DOK6: variants seen among roughly 807,000 people sequenced by gnomAD.
DOK6 encodes the protein docking protein 6.
Under a neutral mutation model 44.0 loss-of-function variants are expected in DOK6, and 22 were observed. The observed-to-expected ratio is 0.50, with a 90% CI of 0.36 to 0.71. The LOEUF (loss-of-function observed/expected upper bound fraction) is 0.71. Ranked by LOEUF, DOK6 falls within the 30% of genes least tolerant of loss-of-function variation. DOK6 has a pLI of 0.00. For missense variants in DOK6, 340 were observed against 416.4 expected, an observed-to-expected ratio of 0.82 and a Z score of 1.60; for synonymous variants, 166 against 145.5, an observed-to-expected ratio of 1.14 and a Z score of -1.01.
At chr18:69,419,998 A>G (rs1328930446) in intron 1 of DOK6, among the ~76,000 whole-genome samples, 2 of 152,148 alleles carry the variant, frequency 1.3e-5, no homozygotes, top group African/African-American at 4.8e-5. Context: ...AATATATTTT[A>G]TATCTTACCT....
chr18:69,821,799 T>TA (rs1555673048), intron 7 of DOK6, among the ~76,000 whole-genome samples: 19 of 149,252 alleles, frequency 1.3e-4, no homozygotes, highest in African/African-American at 1.5e-4. Flanking sequence ...TTTTTTTTTT[T>TA]AAAAAAAATC....
chr18:69,747,523 A>G (rs1791014300), intron 6 of DOK6, among the ~76,000 whole-genome samples: 1 of 152,066 alleles, frequency 6.6e-6, no homozygotes, highest in Non-Finnish European at 1.5e-5. Flanking sequence ...CTAGTAACTT[A>G]GGTCTTCTCA....
At chr18:69,698,126 C>A (rs565359914) in intron 4 of DOK6, among the ~76,000 whole-genome samples, 1 of 152,272 alleles carries the variant, frequency 6.6e-6, no homozygotes, top group African/African-American at 2.4e-5. Flanking sequence ...CCTTATTTTT[C>A]CATTGTACAA....
intron 3 of DOK6, among the ~76,000 whole-genome samples, chr18:69,612,443 G>T (rs1984173839): frequency 6.6e-6 from 1 of 150,956 alleles, no homozygotes; most frequent in Non-Finnish European, 1.5e-5. Context: ...GTGTGCGAGG[G>T]CGCATGTGTG....
At chr18:69,715,775 GTCCCCCTTGACTTTCTA>G (rs1157101691) in intron 5 of DOK6, among the ~76,000 whole-genome samples, 1 of 152,204 alleles carries the variant, frequency 6.6e-6, no homozygotes, top group East Asian at 1.9e-4. Flanking sequence ...GGCGTTGAAA[GTCCCCCTTGACTTTCTA>G]TTTGCTTTCC....
intron 4 of DOK6, among the ~76,000 whole-genome samples, chr18:69,680,639 T>G (rs955456479): frequency 1.3e-5 from 2 of 152,210 alleles, no homozygotes; most frequent in Admixed American, 6.5e-5. Context: ...TGGCACAATT[T>G]CTTAGGTGTA....
intron 1 of DOK6, among the ~76,000 whole-genome samples, chr18:69,558,972 T>C (rs377653029): frequency 3.2e-4 from 48 of 152,162 alleles, no homozygotes; most frequent in Middle Eastern, 3.4e-3. Flanking sequence ...AAACCTAAAC[T>C]TATTCCAAGA....
intron 1 of DOK6, among the ~76,000 whole-genome samples, chr18:69,470,883 G>A (rs1980080539): frequency 6.6e-6 from 1 of 152,168 alleles, no homozygotes; most frequent in Admixed American, 6.5e-5. Context: ...TCATTTTAGA[G>A]GAGGGGGCTC....
At chr18:69,636,055 A>C (rs1984799666) in intron 3 of DOK6, among the ~76,000 whole-genome samples, 1 of 152,172 alleles carries the variant, frequency 6.6e-6, no homozygotes, top group African/African-American at 2.4e-5. Context: ...GGTCTCCAGC[A>C]AGCCCCAATA....
intron 2 of DOK6, among the ~76,000 whole-genome samples, chr18:69,591,886 A>G (rs1171995854): frequency 6.6e-6 from 1 of 152,094 alleles, no homozygotes; most frequent in Non-Finnish European, 1.5e-5. Context: ...TCATATCTGT[A>G]TAAGGCCTTA....
chr18:69,751,011 A>T (rs1157597716), intron 6 of DOK6, among the ~76,000 whole-genome samples: 1 of 152,228 alleles, frequency 6.6e-6, no homozygotes, highest in Non-Finnish European at 1.5e-5. Context: ...AGACACAAAA[A>T]GACAAATACC....
rs192451061 is a variant in DOK6 at position 69,691,644 on chromosome 18, C to G, written c.410-6760C>G. 3.0e-3 allele frequency among the ~76,000 whole-genome samples: 463 copies of G among 152,246 alleles called. 8 individuals are homozygous for G. Among genetic ancestry groups the G allele is most frequent in the Non-Finnish European group, 1.6e-3 (108 of 68,020 alleles). On this transcript the variant is annotated intron_variant, in intron 4 of 7. Coordinates refer to ENST00000382713, the MANE Select transcript of DOK6 (RefSeq NM_152721.6). ...TGGGTCTGAAGCTGTTTGTGATAGC[C>G]AAACAAGGAGAATGGATCAGCAACT...
intron 6 of DOK6, among the ~76,000 whole-genome samples, chr18:69,756,015 C>T (rs1661106403): frequency 6.6e-6 from 1 of 152,192 alleles, no homozygotes; most frequent in South Asian, 2.1e-4. Context: ...GTGGCTCCGC[C>T]CCATTTTTTC....
In DOK6 at chr18:69,546,369, C is replaced by G. The variant is rs1414772078; in HGVS notation, c.67-18118C>G. Among the ~76,000 whole-genome samples the G allele has an allele frequency of 2.0e-5, 3 of 151,326 alleles. 1 individual carries two copies. Among genetic ancestry groups the G allele is most frequent in the Non-Finnish European group, 4.4e-5 (3 of 67,718 alleles). On this transcript the variant is annotated intron_variant, in intron 1 of 7. Transcript: ENST00000382713. ...AAATATAAATGGCTAGCACCATATA[C>G]ATACAATGATAGCATGTGTCTGCGT...
At chr18:69,505,723 CCTG>C (rs1981168103) in intron 1 of DOK6, among the ~76,000 whole-genome samples, 1 of 151,742 alleles carries the variant, frequency 6.6e-6, no homozygotes, top group African/African-American at 2.4e-5. Context: ...GTCTTGAACT[CCTG>C]ACCTCAGGGA....
intron 7 of DOK6, among the ~76,000 whole-genome samples, chr18:69,784,900 T>G (rs1980383948): frequency 6.6e-6 from 1 of 152,174 alleles, no homozygotes; most frequent in Non-Finnish European, 1.5e-5. Flanking sequence ...AATCTCAAAG[T>G]CATAGAGACT....
chr18:69,410,501 T>C (rs1480120376), intron 1 of DOK6, among the ~76,000 whole-genome samples: 1 of 152,376 alleles, frequency 6.6e-6, no homozygotes, highest in East Asian at 1.9e-4. Context: ...ATAAAGTTAA[T>C]TATCCATTAA....
At position 69,501,270 on chromosome 18, in the gene DOK6, C is replaced by T. The variant is rs146593780; in HGVS notation, c.67-63217C>T. Among the ~76,000 whole-genome samples, 404 of 152,234 alleles carry T rather than the reference C, an allele frequency of 2.7e-3. 4 individuals carry two copies. Among genetic ancestry groups the T allele is most frequent in the African/African-American group, 8.7e-3 (362 of 41,554 alleles). ...CAATACTGAGTTCGTGCTAACTTGA[C>T]TCCACTGACAACTGATTAGTGAACT... On this transcript the variant is annotated intron_variant, in intron 1 of 7. Coordinates refer to ENST00000382713, the MANE Select transcript of DOK6 (RefSeq NM_152721.6).
At chr18:69,737,518 G>A (rs1171711756) in intron 5 of DOK6, among the ~76,000 whole-genome samples, 2 of 152,160 alleles carry the variant, frequency 1.3e-5, no homozygotes, top group African/African-American at 2.4e-5. Context: ...TGGGGACACA[G>A]AGCCAAACCC....
Sources: allele counts gnomAD v4.1 joint callset (sites outside exome capture counted in the v4.1 genomes callset), GRCh38; gene constraint gnomAD v4.1.1; transcripts MANE v1.5; gene names NCBI Gene and HGNC (gene_info 2026-07-23, HGNC 2026-07-21).